PSD3: variants seen among roughly 807,000 people sequenced by gnomAD.
PSD3 encodes the protein pleckstrin and Sec7 domain containing 3.
A neutral mutation model predicts 105.5 loss-of-function variants in PSD3; 49 were observed. The ratio of observed to expected loss-of-function variants is 0.46; its 90% confidence interval spans 0.37 to 0.59. The LOEUF is 0.59. Ranked by LOEUF, PSD3 falls within the 20% of genes least tolerant of loss-of-function variation. The pLI, the probability that PSD3 is intolerant of heterozygous loss-of-function variation, is 0.00. For missense variants in PSD3, 1,561 were observed against 1,263.8 expected (o/e 1.24, Z -3.57); for synonymous variants, 557 against 457.8 (o/e 1.22, Z -2.77).
intron 2 of PSD3, among the ~76,000 whole-genome samples, chr8:18,873,721 C>T (rs2129457872): frequency 6.6e-6 from 1 of 152,240 alleles, no homozygotes; most frequent in South Asian, 2.1e-4. Flanking sequence ...TTGACCAGCA[C>T]CTCCCCAATC....
At chr8:19,033,855 T>C (rs907911422) in intron 1 of PSD3, among the ~76,000 whole-genome samples, 2 of 152,142 alleles carry the variant, frequency 1.3e-5, no homozygotes, top group Non-Finnish European at 2.9e-5. Flanking sequence ...CTGGTCATCA[T>C]ACAATGTTGT....
At chr8:19,072,502 C>T (rs961284617) in intron 1 of PSD3, among the ~76,000 whole-genome samples, 2 of 152,146 alleles carry the variant, frequency 1.3e-5, no homozygotes, top group African/African-American at 4.8e-5. Flanking sequence ...ATACAGAACA[C>T]AGAATTATGA....
intron 9 of PSD3, among the ~76,000 whole-genome samples, chr8:18,744,491 C>A (rs1021880082): frequency 6.6e-6 from 1 of 152,162 alleles, no homozygotes; most frequent in African/African-American, 2.4e-5. Context: ...CTTCACTGAT[C>A]GAGATTTGTA....
chr8:18,673,893 A>G (rs1017650576), intron 9 of PSD3, among the ~76,000 whole-genome samples: 2 of 152,072 alleles, frequency 1.3e-5, no homozygotes, highest in African/African-American at 4.8e-5. Flanking sequence ...TGTAATCCCA[A>G]CGATTTGGGA....
chr8:18,742,299 G>C (rs1804636801), intron 9 of PSD3, among the ~76,000 whole-genome samples: 1 of 152,004 alleles, frequency 6.6e-6, no homozygotes, highest in African/African-American at 2.4e-5. Flanking sequence ...AACCAACCTA[G>C]TATCACCAAA....
intron 1 of PSD3, among the ~76,000 whole-genome samples, chr8:18,945,910 G>C (rs1417154868): frequency 1.3e-5 from 2 of 152,190 alleles, no homozygotes; most frequent in Non-Finnish European, 2.9e-5. Context: ...GGAAGTGGAG[G>C]CTGCCGTGAG....
chr8:19,056,082 G>A (rs1423048235), intron 1 of PSD3, among the ~76,000 whole-genome samples: 1 of 152,178 alleles, frequency 6.6e-6, no homozygotes. Flanking sequence ...GCCCCTTGTT[G>A]CTATTCTTTG....
At chr8:18,541,752 C>CTTTT (rs111558567) in intron 15 of PSD3, among the ~76,000 whole-genome samples, 1 of 141,536 alleles carries the variant, frequency 7.1e-6, no homozygotes, top group Non-Finnish European at 1.6e-5. Flanking sequence ...TTCTGAGAAT[C>CTTTT]TTTTTTTTTT....
At chr8:18,560,012 A>T (rs983675892) in intron 14 of PSD3, among the ~76,000 whole-genome samples, 2 of 152,342 alleles carry the variant, frequency 1.3e-5, no homozygotes, top group East Asian at 3.9e-4. Flanking sequence ...ATAAGGCAGG[A>T]GTCAATAAAG....
chr8:18,827,545 G>C (rs1306850320), intron 4 of PSD3, among the ~76,000 whole-genome samples: 1 of 152,208 alleles, frequency 6.6e-6, no homozygotes, highest in Non-Finnish European at 1.5e-5. Flanking sequence ...AAGGTGACTG[G>C]ATTAAATAGA....
chr8:18,754,979 T>A (rs1235562637), intron 9 of PSD3, among the ~76,000 whole-genome samples: 1 of 152,138 alleles, frequency 6.6e-6, no homozygotes, highest in Non-Finnish European at 1.5e-5. Context: ...AAGGAGGGCA[T>A]CAATCATCCC....
At chr8:18,742,544 T>A (rs1007521822) in intron 9 of PSD3, among the ~76,000 whole-genome samples, 1 of 152,238 alleles carries the variant, frequency 6.6e-6, no homozygotes, top group African/African-American at 2.4e-5. Flanking sequence ...ATATTTTACC[T>A]ACAGTGTATA....
intron 4 of PSD3, among the ~76,000 whole-genome samples, chr8:18,814,145 T>G (rs757145960): frequency 6.6e-6 from 1 of 152,212 alleles, no homozygotes; most frequent in Non-Finnish European, 1.5e-5. Flanking sequence ...AAAACCTAAT[T>G]AGCAGAATTC....
chr8:18,890,765 T>G (rs1303825802), intron 2 of PSD3, among the ~76,000 whole-genome samples: 1 of 150,168 alleles, frequency 6.7e-6, no homozygotes, highest in Non-Finnish European at 1.5e-5. Flanking sequence ...GTGATCCCTC[T>G]CAGCACAGAA....
intron 12 of PSD3, among the ~76,000 whole-genome samples, chr8:18,580,714 T>A (rs544713419): frequency 1.3e-5 from 2 of 152,252 alleles, no homozygotes; most frequent in African/African-American, 4.8e-5. Context: ...ACGTTTTAGA[T>A]AACGAACTGA....
chr8:19,067,618 C>T lies in PSD3; in HGVS notation c.324+16588G>A, dbSNP rs569597489. ...TCGGGTGGTTCAGGCACAGAGGCTT[C>T]CCAGGGTGTCACAAGCCAGCAGCAA... On this transcript the variant is annotated intron_variant, in intron 1 of 1. Coordinates refer to the PSD3 transcript ENST00000521475. Among the ~76,000 whole-genome samples the T allele has an allele frequency of 1.1e-3, 166 of 152,264 alleles. 1 individual carries two copies. Among genetic ancestry groups the T allele is most frequent in the African/African-American group, 3.7e-3 (155 of 41,566 alleles).
intron 4 of PSD3, among the ~76,000 whole-genome samples, chr8:18,845,161 C>A (rs1814983344): frequency 1.3e-5 from 2 of 152,174 alleles, no homozygotes; most frequent in Non-Finnish European, 2.9e-5. Flanking sequence ...AAGAATATTT[C>A]ATTACTACCA....
intron 10 of PSD3, among the ~76,000 whole-genome samples, chr8:18,644,653 C>A (rs1807894562): frequency 6.6e-6 from 1 of 152,212 alleles, no homozygotes; most frequent in African/African-American, 2.4e-5. Flanking sequence ...CAACTGCCCA[C>A]AATGCTCCGT....
chr8:18,831,027 A>C (rs959017860), intron 4 of PSD3, among the ~76,000 whole-genome samples: 1 of 149,046 alleles, frequency 6.7e-6, no homozygotes, highest in Non-Finnish European at 1.5e-5. Flanking sequence ...CTTAGAGGTT[A>C]AAAGCAAGGA....
Sources: allele counts gnomAD v4.1 joint callset (sites outside exome capture counted in the v4.1 genomes callset), GRCh38; gene constraint gnomAD v4.1.1; transcripts MANE v1.5; gene names NCBI Gene and HGNC (gene_info 2026-07-23, HGNC 2026-07-21).